Variants in AMBRA1 observed in about 807,000 individuals in gnomAD.
The protein encoded by AMBRA1 is autophagy and beclin 1 regulator 1.
Under a neutral mutation model 125.4 loss-of-function variants are expected in AMBRA1, and 47 were observed. That is an observed-to-expected ratio of 0.37 (90% CI 0.30 to 0.48). AMBRA1 has a LOEUF of 0.48. AMBRA1 is among the 20% of genes least tolerant of loss of function. AMBRA1 has a pLI of 0.99. For missense variants in AMBRA1, 1,331 were observed against 1,693.4 expected, an observed-to-expected ratio of 0.79 and a Z score of 3.76; for synonymous variants, 626 against 655.5, an observed-to-expected ratio of 0.95 and a Z score of 0.69.
At chr11:46,587,743 C>T (rs2044454244) in intron 1 of AMBRA1, among the ~76,000 whole-genome samples, 2 of 152,096 alleles carry the variant, frequency 1.3e-5, no homozygotes, top group Non-Finnish European at 2.9e-5. Flanking sequence ...ACCTATACTC[C>T]CCACTGGAAT....
chr11:46,519,339 C>T (rs1264564638), intron 7 of AMBRA1, among the ~76,000 whole-genome samples: 1 of 152,054 alleles, frequency 6.6e-6, no homozygotes, highest in Non-Finnish European at 1.5e-5. Context: ...ACTTCAAATT[C>T]AATAGATATC....
At chr11:46,420,055 C>T (rs1215146231) in intron 14 of AMBRA1, among the ~76,000 whole-genome samples, 2 of 104,208 alleles carry the variant, frequency 1.9e-5, no homozygotes, top group Non-Finnish European at 4.1e-5. Flanking sequence ...GAAATGTGCC[C>T]AGGTAGCTAA....
Position 46,397,671 on chromosome 11 carries a change from G to A in AMBRA1, c.3676C>T (p.Leu1226=). ...PEAGQLAERG[L]SPRTASWDQP... ...TCCCAGGAAGCTGTCCGGGGGCTTA[G>A]GCCTCGCTCTGCCAGTTGCCCGGCC... Residue 1226 remains leucine (L), a synonymous_variant, in exon 18 of 18, where the codon CTA becomes TTA. Transcript: ENST00000683756. 1 of 1,613,256 alleles carries A rather than the reference G, an allele frequency of 6.2e-7. No homozygotes were observed.
intron 1 of AMBRA1, among the ~76,000 whole-genome samples, chr11:46,565,129 C>T (rs1473224147): frequency 6.6e-6 from 1 of 151,470 alleles, no homozygotes; most frequent in East Asian, 2.0e-4. Context: ...TGGTGGCATT[C>T]GCCTGTAGTT....
intron 11 of AMBRA1, among the ~76,000 whole-genome samples, chr11:46,459,556 C>CA (rs1316904727): frequency 4.6e-5 from 7 of 151,874 alleles, no homozygotes; most frequent in African/African-American, 1.7e-4. Flanking sequence ...ACTAAAAATA[C>CA]AAAAAGTAGC....
intron 12 of AMBRA1, among the ~76,000 whole-genome samples, chr11:46,440,904 C>T (rs139399285): frequency 6.2e-4 from 94 of 152,288 alleles, no homozygotes; most frequent in Middle Eastern, 3.4e-3. Context: ...TAATATCATA[C>T]AGACAAGATA....
At chr11:46,444,287 C>G (rs1002367985) in intron 11 of AMBRA1, among the ~76,000 whole-genome samples, 2 of 152,164 alleles carry the variant, frequency 1.3e-5, no homozygotes, top group Admixed American at 1.3e-4. Context: ...TAAGAACCTC[C>G]TTGAATCCAC....
intron 12 of AMBRA1, among the ~76,000 whole-genome samples, chr11:46,436,867 G>T (rs1329783378): frequency 6.6e-6 from 1 of 152,118 alleles, no homozygotes; most frequent in Non-Finnish European, 1.5e-5. Context: ...AGAAAATAAA[G>T]AAATCATAAA....
chr11:46,546,021 C>A, intron 4 of AMBRA1: 1 of 339,234 alleles, frequency 2.9e-6, no homozygotes, highest in Non-Finnish European at 5.4e-6. Flanking sequence ...CATATATACA[C>A]AGTTCCTATT....
At position 46,542,551 on chromosome 11, in the gene AMBRA1, T is replaced by C. The variant is rs1565273320; in HGVS notation, c.1466A>G (p.Gln489Arg). 1.2e-6 allele frequency: 2 copies of C among 1,613,284 alleles called. No homozygotes were observed. Among genetic ancestry groups the C allele is most frequent in the Non-Finnish European group, 1.7e-6 (2 of 1,180,032 alleles). Residue 489 changes from glutamine (Q) to arginine (R), a missense_variant, in exon 7 of 18, where the codon CAA becomes CGA. Gln to Arg is a conservative substitution (Grantham distance 43). Coordinates refer to ENST00000683756, the MANE Select transcript of AMBRA1 (RefSeq NM_001387011.1). The surrounding 1 kb of genome is among the most constrained non-coding windows in gnomAD (Gnocchi z 5.9). ...TESDGGNGSS[Q>R]NNSGSIRHEL... ...ATGGCGAATGCTGCCCGAGTTGTTT[T>C]GGCTGGAGCCATTCCCTCCATCTGA... is the stretch of plus-strand genomic sequence containing the variant.
At chr11:46,551,706 T>C (rs113838489) in intron 1 of AMBRA1, among the ~76,000 whole-genome samples, 3,548 of 151,088 alleles carry the variant, frequency 0.023, 140 homozygotes, top group African/African-American at 0.082. Context: ...CCTACTCTAC[T>C]AAAAATACAA....
At position 46,397,421 on chromosome 11, in the gene AMBRA1, G is replaced by A. The variant is rs559683074; in HGVS notation, c.*29C>T. Reference sequence around the variant, plus strand: ...AGGTCCGGTTTCTGCTTGGCGGTTCGAGGGGAGGCACCAGTGCAACGTTTG... The same window carrying A: ...AGGTCCGGTTTCTGCTTGGCGGTTCAAGGGGAGGCACCAGTGCAACGTTTG... On this transcript the variant is annotated 3_prime_UTR_variant, in exon 18 of 18. Transcript: ENST00000683756. 25 of 1,467,222 alleles carry A rather than the reference G, an allele frequency of 1.7e-5. No homozygotes were observed. Among genetic ancestry groups the A allele is most frequent in the Admixed American group, 7.3e-5 (3 of 40,846 alleles). 90.9% of individuals were successfully genotyped at this position (1,467,222 alleles called of 1,614,324 possible).
chr11:46,445,574 C>T (rs540966614), intron 11 of AMBRA1, among the ~76,000 whole-genome samples: 1 of 152,274 alleles, frequency 6.6e-6, no homozygotes, highest in South Asian at 2.1e-4. Context: ...CTTGATTTTT[C>T]TATGCCTCTT....
chr11:46,518,012 T>C (rs1951581209), intron 7 of AMBRA1: 3 of 586,688 alleles, frequency 5.1e-6, no homozygotes, highest in South Asian at 7.6e-5. Flanking sequence ...AAAGGGTATA[T>C]GGGAATCCTC....
chr11:46,461,577 A>ATG (rs1434284609), intron 11 of AMBRA1, among the ~76,000 whole-genome samples: 1 of 152,240 alleles, frequency 6.6e-6, no homozygotes, highest in Non-Finnish European at 1.5e-5. Context: ...ATACTTGGGG[A>ATG]TGTGGAGTCC....
In AMBRA1 at chr11:46,397,017, G is replaced by C. The variant is rs577637689; in HGVS notation, c.*433C>G. 2.2e-4 allele frequency: 34 copies of C among 157,036 alleles called. No homozygotes were observed. Among genetic ancestry groups the C allele is most frequent in the Admixed American group, 1.3e-4 (2 of 15,412 alleles). 9.7% of individuals were successfully genotyped at this position (157,036 alleles called of 1,614,324 possible). On this transcript the variant is annotated 3_prime_UTR_variant, in exon 18 of 18. Coordinates refer to ENST00000683756, the MANE Select transcript of AMBRA1 (RefSeq NM_001387011.1). ...GTTGGAGGTGGTGTCTGGGTTCCTGGTGGCTCTGCCCACCCAACAGGTGGA... is the reference window on the plus strand; with the variant it reads ...GTTGGAGGTGGTGTCTGGGTTCCTGCTGGCTCTGCCCACCCAACAGGTGGA...
chr11:46,426,863 T>C (rs1026096489), intron 14 of AMBRA1, among the ~76,000 whole-genome samples: 21 of 152,214 alleles, frequency 1.4e-4, no homozygotes, highest in African/African-American at 4.8e-4. Flanking sequence ...ATCTGTCTTT[T>C]ATCCCAATCT....
chr11:46,581,666 G>A (rs1330472775), intron 1 of AMBRA1, among the ~76,000 whole-genome samples: 1 of 151,790 alleles, frequency 6.6e-6, no homozygotes, highest in Non-Finnish European at 1.5e-5. Flanking sequence ...CACATGTGGT[G>A]GCACGTGCCT....
intron 7 of AMBRA1, chr11:46,518,076 A>G: frequency 1.0e-6 from 1 of 972,998 alleles, no homozygotes; most frequent in Non-Finnish European, 1.2e-6. Context: ...AAAAACATAC[A>G]ACACACAAAA....
Sources: gnomAD v4.1 joint callset for allele counts (sites outside exome capture counted in the v4.1 genomes callset) on GRCh38, gnomAD v4.1.1 for gene constraint, Gnocchi (gnomAD v3.1) non-coding constraint, MANE v1.5 for transcripts, NCBI Gene and HGNC (gene_info 2026-07-23, HGNC 2026-07-21) for gene names.